PTPRD: variants seen among roughly 807,000 people sequenced by gnomAD.
PTPRD encodes receptor-type tyrosine-protein phosphatase delta.
In PTPRD, 34 loss-of-function variants were observed where a neutral mutation model predicts 214.5. That is an observed-to-expected ratio of 0.16 (90% CI 0.12 to 0.21). The LOEUF (loss-of-function observed/expected upper bound fraction) is 0.21. Ranked by LOEUF, PTPRD falls within the 10% of genes least tolerant of loss-of-function variation. PTPRD has a pLI of 1.00. For missense variants in PTPRD, 2,545 were observed against 2,398.7 expected, an observed-to-expected ratio of 1.06 and a Z score of -1.27; for synonymous variants, 1,128 against 845.7, an observed-to-expected ratio of 1.33 and a Z score of -5.79.
At chr9:10,035,375 C>CA (rs1360225322) in intron 3 of PTPRD, among the ~76,000 whole-genome samples, 1 of 151,958 alleles carries the variant, frequency 6.6e-6, no homozygotes, top group African/African-American at 2.4e-5. Context: ...AATTTTCTCC[C>CA]ATTCTGTAAG....
chr9:9,929,021 T>G (rs1460480069), intron 5 of PTPRD, among the ~76,000 whole-genome samples: 1 of 152,200 alleles, frequency 6.6e-6, no homozygotes, highest in African/African-American at 2.4e-5. Flanking sequence ...TCGAAGAGAC[T>G]TATATGCTCT....
chr9:8,947,915 A>G (rs573681359), intron 11 of PTPRD, among the ~76,000 whole-genome samples: 43 of 152,002 alleles, frequency 2.8e-4, no homozygotes, highest in Non-Finnish European at 8.8e-5. Context: ...ATACATCACG[A>G]ATTGGTATTA....
chr9:8,496,351 T>G (rs1174753616), intron 26 of PTPRD, among the ~76,000 whole-genome samples: 1 of 152,164 alleles, frequency 6.6e-6, no homozygotes, highest in East Asian at 1.9e-4. Flanking sequence ...GTCCACTAAT[T>G]TACTAATGCA....
intron 8 of PTPRD, among the ~76,000 whole-genome samples, chr9:9,573,671 A>G (rs1263474371): frequency 2.6e-5 from 4 of 151,824 alleles, no homozygotes; most frequent in Non-Finnish European, 4.4e-5. Flanking sequence ...GGATAAAATT[A>G]TTACTCAAAG....
intron 3 of PTPRD, among the ~76,000 whole-genome samples, chr9:10,162,729 G>C (rs1016685234): frequency 2.8e-5 from 4 of 140,960 alleles, no homozygotes; most frequent in Non-Finnish European, 6.2e-5. Flanking sequence ...ACATATACAT[G>C]TACATATATA....
intron 2 of PTPRD, among the ~76,000 whole-genome samples, chr9:10,576,825 A>T (rs1461314625): frequency 6.6e-6 from 1 of 152,194 alleles, no homozygotes; most frequent in African/African-American, 2.4e-5. Flanking sequence ...TGAACAAAAA[A>T]TTAACCAAGT....
At chr9:10,151,838 T>A (rs1316351419) in intron 3 of PTPRD, among the ~76,000 whole-genome samples, 12 of 152,190 alleles carry the variant, frequency 7.9e-5, no homozygotes, top group Non-Finnish European at 1.5e-4. Context: ...CTACAATAGC[T>A]AGGCTTCTTT....
At chr9:8,984,950 C>T (rs898858100) in intron 11 of PTPRD, among the ~76,000 whole-genome samples, 1 of 151,986 alleles carries the variant, frequency 6.6e-6, no homozygotes, top group Admixed American at 6.6e-5. Context: ...GCTCAGGACC[C>T]ATTTTATTTG....
intron 5 of PTPRD, among the ~76,000 whole-genome samples, chr9:9,886,709 T>C (rs769769311): frequency 2.6e-5 from 4 of 152,158 alleles, no homozygotes; most frequent in Non-Finnish European, 5.9e-5. Context: ...TACATGACTT[T>C]TGTGGTTCAG....
intron 2 of PTPRD, among the ~76,000 whole-genome samples, chr9:10,366,890 A>G (rs1482391845): frequency 6.6e-6 from 1 of 152,170 alleles, no homozygotes; most frequent in East Asian, 1.9e-4. Context: ...ATGAGTATAG[A>G]CTATTAATTT....
chr9:9,092,458 T>G (rs1307472167), intron 10 of PTPRD, among the ~76,000 whole-genome samples: 1 of 152,210 alleles, frequency 6.6e-6, no homozygotes, highest in South Asian at 2.1e-4. Flanking sequence ...AGCTACTATA[T>G]TACTCTTATG....
chr9:10,339,865 T>C (rs1368234755), intron 3 of PTPRD, among the ~76,000 whole-genome samples: 3 of 151,714 alleles, frequency 2.0e-5, no homozygotes, highest in Non-Finnish European at 4.4e-5. Context: ...AAAGTAAAAA[T>C]ATAATTTTGA....
intron 5 of PTPRD, among the ~76,000 whole-genome samples, chr9:9,843,281 C>T (rs1212018981): frequency 6.6e-6 from 1 of 151,926 alleles, no homozygotes; most frequent in East Asian, 1.9e-4. Flanking sequence ...GGACTTGGTT[C>T]CGGGCTTTAT....
At chr9:8,798,349 T>C (rs1037431574) in intron 11 of PTPRD, among the ~76,000 whole-genome samples, 7 of 152,142 alleles carry the variant, frequency 4.6e-5, no homozygotes, top group Admixed American at 2.6e-4. Flanking sequence ...TTTTTAACAG[T>C]TTAAATCATA....
chr9:10,190,184 T>C (rs1347860133), intron 3 of PTPRD, among the ~76,000 whole-genome samples: 1 of 150,974 alleles, frequency 6.6e-6, no homozygotes, highest in Non-Finnish European at 1.5e-5. Flanking sequence ...CTGACCAATA[T>C]GGTGAAACCT....
chr9:10,259,096 C>G lies in PTPRD; in HGVS notation c.-545+81867G>C, dbSNP rs372148529. ...GGAGTGCAGTGGCGCCATCTCAGCTCACTGCAAGCTCCACCTCCCGGGTTC... is the reference window on the plus strand; with the variant it reads ...GGAGTGCAGTGGCGCCATCTCAGCTGACTGCAAGCTCCACCTCCCGGGTTC... On this transcript the variant is annotated intron_variant, in intron 3 of 45. Coordinates refer to ENST00000381196, the MANE Select transcript of PTPRD (RefSeq NM_002839.4). 8.1e-4 allele frequency among the ~76,000 whole-genome samples: 123 copies of G among 152,210 alleles called. No individual in the cohort carries two copies. The South Asian group carries it at 0.024, about 30-fold the overall frequency.
chr9:9,938,811 A>G (rs567536571), intron 4 of PTPRD, among the ~76,000 whole-genome samples: 3 of 152,266 alleles, frequency 2.0e-5, no homozygotes, highest in Non-Finnish European at 2.9e-5. Flanking sequence ...GGGACCATCT[A>G]TATTTTATCT....
At chr9:8,761,272 T>C (rs1050930578) in intron 11 of PTPRD, among the ~76,000 whole-genome samples, 1 of 152,154 alleles carries the variant, frequency 6.6e-6, no homozygotes, top group Non-Finnish European at 1.5e-5. Context: ...TTTAACATGG[T>C]AGCTATAAAA....
rs2097218288 is a variant in PTPRD at position 8,668,752 on chromosome 9, T to C, written c.65-31908A>G. On this transcript the variant is annotated intron_variant, in intron 12 of 45. Transcript: ENST00000381196. Reference sequence around the variant, plus strand: ...CTGTCTTTCAATTAAAACTCGAATCTTTACTATAATAGAATTCCAAGAGGG... The same window carrying C: ...CTGTCTTTCAATTAAAACTCGAATCCTTACTATAATAGAATTCCAAGAGGG... 2.6e-5 allele frequency among the ~76,000 whole-genome samples: 4 copies of C among 152,322 alleles called. No individual in the cohort carries two copies. In the South Asian group the frequency reaches 8.3e-4, roughly 32 times the overall value.
Sources: allele counts gnomAD v4.1 joint callset (sites outside exome capture counted in the v4.1 genomes callset), GRCh38; gene constraint gnomAD v4.1.1; transcripts MANE v1.5; gene names NCBI Gene and HGNC (gene_info 2026-07-23, HGNC 2026-07-21).